The following EXD3 variants were observed in gnomAD, a reference collection of about 807,000 sequenced individuals.
EXD3 encodes the protein exonuclease 3'-5' domain containing 3, also known as exonuclease mut-7 homolog.
In EXD3, 92 loss-of-function variants were observed where a neutral mutation model predicts 98.0. The ratio of observed to expected loss-of-function variants is 0.94; its 90% CI spans 0.79 to 1.12. EXD3 has a LOEUF of 1.12. Among genes scored for constraint, EXD3 ranks in the 50% most tolerant of loss-of-function variants. The pLI is 0.00. For missense variants in EXD3, 1,222 were observed against 1,191.6 expected (o/e 1.03, Z -0.38); for synonymous variants, 569 against 526.0 (o/e 1.08, Z -1.12).
intron 17 of EXD3, among the ~76,000 whole-genome samples, chr9:137,331,956 T>C (rs1290599779): frequency 6.6e-6 from 1 of 151,684 alleles, no homozygotes; most frequent in Admixed American, 6.6e-5. Context: ...AAAAAAGAAC[T>C]CAATCCTTTT....
At chr9:137,420,673 G>C (rs1225130243) in intron 1 of EXD3, among the ~76,000 whole-genome samples, 3 of 150,800 alleles carry the variant, frequency 2.0e-5, no homozygotes, top group African/African-American at 7.3e-5. Context: ...GGTAAGGAAA[G>C]AATGTCACTT....
chr9:137,383,384 A>G lies in EXD3; in HGVS notation c.56-7T>C. On this transcript the variant is annotated splice_polypyrimidine_tract_variant and splice_region_variant and intron_variant, in intron 2 of 21. Coordinates refer to ENST00000340951, the MANE Select transcript of EXD3 (RefSeq NM_017820.5). ...AGCAGGAGGGGGTCCCGGCCTGTGGAGATAAGATAACAGCCGTGGGAGGGA... is the reference window on the plus strand; with the variant it reads ...AGCAGGAGGGGGTCCCGGCCTGTGGGGATAAGATAACAGCCGTGGGAGGGA... 6.5e-7 allele frequency: 1 copy of G among 1,539,866 alleles called. No homozygotes were observed. Among genetic ancestry groups the G allele is most frequent in the Non-Finnish European group, 8.8e-7 (1 of 1,141,006 alleles).
chr9:137,307,313 CCCCAGGCTGCT>C lies in EXD3; in HGVS notation c.2318-61_2318-51del, dbSNP rs756471018. On this transcript the variant is annotated intron_variant, in intron 21 of 21. Transcript: ENST00000340951. ...TGAGCCCTCAGCCTTCGGGCACGGC[CCCCAGGCTGCT>C]CCCAGAGTGGTGCAGTTGGCGGCCC... 1.0e-4 allele frequency: 150 copies of C among 1,445,420 alleles called. No individual in the cohort carries two copies. The African/African-American group carries it at 1.8e-3, about 18-fold the overall frequency. 89.5% of individuals were successfully genotyped at this position (1,445,420 alleles called of 1,614,324 possible). A position where few individuals can be genotyped will look rare whatever the true frequency, so the allele number is the denominator to read the frequency against.
chr9:137,374,435 G>T, intron 3 of EXD3: 1 of 466,430 alleles, frequency 2.1e-6, no homozygotes, highest in Non-Finnish European at 2.8e-6. Context: ...CGCTGTTCTC[G>T]TCCCTGCGAT....
intron 5 of EXD3, among the ~76,000 whole-genome samples, chr9:137,372,619 G>A (rs1228649359): frequency 1.3e-5 from 2 of 152,252 alleles, no homozygotes; most frequent in African/African-American, 4.8e-5. Context: ...CCCTGTGAGT[G>A]TGAGGGCCCA....
chr9:137,343,294 T>C (rs939362071), intron 17 of EXD3: 1 of 152,168 alleles, frequency 6.6e-6, no homozygotes. Context: ...TGTTCAGCAA[T>C]TTTACTTCTG....
intron 3 of EXD3, 53 bp from the exon 4 acceptor site, chr9:137,373,652 G>T: frequency 6.6e-7 from 1 of 1,521,436 alleles, no homozygotes; most frequent in Non-Finnish European, 8.8e-7. Flanking sequence ...AAAGCCTCCT[G>T]GCAAGGCCTC....
chr9:137,318,239 C>T (rs1831809606), intron 19 of EXD3, among the ~76,000 whole-genome samples: 1 of 152,106 alleles, frequency 6.6e-6, no homozygotes, highest in African/African-American at 2.4e-5. Flanking sequence ...GTCTGCTGGG[C>T]TGGGGTCCAC....
chr9:137,411,531 G>A (rs1183300118), intron 1 of EXD3, among the ~76,000 whole-genome samples: 3 of 151,692 alleles, frequency 2.0e-5, no homozygotes, highest in Admixed American at 6.6e-5. Context: ...TCCCTCAAAC[G>A]ACCCCTGAAC....
chr9:137,311,607 G>A (rs530959113), intron 19 of EXD3, among the ~76,000 whole-genome samples: 7 of 152,314 alleles, frequency 4.6e-5, no homozygotes, highest in South Asian at 4.1e-4. Flanking sequence ...CCCCACCCTC[G>A]GGAACCACCG....
rs555294522 is a variant in EXD3 at position 137,361,025 on chromosome 9, T to C, written c.657-4657A>G. ...CCTGGCATGGGTCCTTGGTACAGTA[T>C]TGAATAAAAACAGCAGTTCTCAGAC... On this transcript the variant is annotated intron_variant, in intron 7 of 21. Coordinates refer to ENST00000340951, the MANE Select transcript of EXD3 (RefSeq NM_017820.5). Among the ~76,000 whole-genome samples, 58 of 87,136 alleles carry C rather than the reference T, an allele frequency of 6.7e-4. 15 individuals are homozygous for C. The highest frequency in any genetic ancestry group is 1.8e-3 in the African/African-American group (56 of 31,462). The allele number at this position is 87,136 out of a possible 152,430, so 57.2% of individuals were successfully genotyped here.
rs1446910098 is a variant in EXD3 at position 137,371,603 on chromosome 9, G to GGC, written c.462+1300_462+1301dup. Reference sequence around the variant, plus strand: ...CCCTGAAGTAAGGGGGCCCTAATGGGGCGGGGAGTGGACCAGTGCCCCTGA... The same window carrying GGC: ...CCCTGAAGTAAGGGGGCCCTAATGGGGCGCGGGGAGTGGACCAGTGCCCCTGA... On this transcript the variant is annotated intron_variant, in intron 5 of 21. Transcript: ENST00000340951. This position sits in a 1 kb window ranked among gnomAD's most constrained non-coding sequence, Gnocchi z 8.0. 6.6e-6 allele frequency among the ~76,000 whole-genome samples: 1 copy of GGC among 151,966 alleles called. No homozygotes were observed. Among genetic ancestry groups the GGC allele is most frequent in the African/African-American group, 2.4e-5 (1 of 41,378 alleles).
At chr9:137,417,585 T>C (rs1838296813) in intron 1 of EXD3, among the ~76,000 whole-genome samples, 1 of 152,068 alleles carries the variant, frequency 6.6e-6, no homozygotes. Flanking sequence ...GCAACGCGCG[T>C]CCGCACAAAC....
chr9:137,350,349 T>G (rs1588319009), intron 14 of EXD3, among the ~76,000 whole-genome samples: 1 of 29,354 alleles, frequency 3.4e-5, no homozygotes, highest in Non-Finnish European at 6.2e-5. Flanking sequence ...TAGAGAGGGA[T>G]GGGGATCACG....
chr9:137,410,398 T>C (rs1490266829), intron 1 of EXD3, among the ~76,000 whole-genome samples: 1 of 148,644 alleles, frequency 6.7e-6, no homozygotes, highest in African/African-American at 2.5e-5. Context: ...GGCAGGAGAA[T>C]CACTTGAACC....
chr9:137,335,679 A>AAAATAAAT (rs570667391), intron 17 of EXD3, among the ~76,000 whole-genome samples: 9 of 152,072 alleles, frequency 5.9e-5, no homozygotes, highest in African/African-American at 9.7e-5. Context: ...ACTTCATCTC[A>AAAATAAAT]AAATAAATAA....
At chr9:137,343,890 T>C (rs1335804701) in intron 17 of EXD3, among the ~76,000 whole-genome samples, 1 of 97,568 alleles carries the variant, frequency 1.0e-5, no homozygotes, top group African/African-American at 4.4e-5. Flanking sequence ...GCCCGGCCTT[T>C]TTTTTTTTTT....
At chr9:137,344,033 A>T (rs986112319) in intron 17 of EXD3, among the ~76,000 whole-genome samples, 26 of 150,526 alleles carry the variant, frequency 1.7e-4, no homozygotes, top group South Asian at 4.2e-4. Flanking sequence ...CTGGGACTAC[A>T]GGTGCCCGCC....
At position 137,324,105 on chromosome 9, in the gene EXD3, C is replaced by T; in HGVS notation, c.2037G>A (p.Gly679=). ...GGACACTCACCTTGTGGAATGGCTGCCCCGACGTCAGAATGATCCTCCCCT... is the reference window on the plus strand; with the variant it reads ...GGACACTCACCTTGTGGAATGGCTGTCCCGACGTCAGAATGATCCTCCCCT... ...RQEGRIILTS[G]QPFHKLRAQV... Residue 679 remains glycine, a synonymous_variant, in exon 18 of 22, where the codon GGG becomes GGA. Coordinates refer to ENST00000340951, the MANE Select transcript of EXD3 (RefSeq NM_017820.5). This position sits in a 1 kb window ranked among gnomAD's most constrained non-coding sequence, Gnocchi z 4.1. 6.3e-7 allele frequency: 1 copy of T among 1,588,458 alleles called. No individual in the cohort carries two copies.
Sources: gnomAD v4.1 joint callset for allele counts (sites outside exome capture counted in the v4.1 genomes callset) on GRCh38, gnomAD v4.1.1 for gene constraint, Gnocchi (gnomAD v3.1) non-coding constraint, MANE v1.5 for transcripts, NCBI Gene and HGNC (gene_info 2026-07-23, HGNC 2026-07-21) for gene names.